Variants in ACKR2 observed in about 807,000 individuals in gnomAD.
The protein encoded by ACKR2 is atypical chemokine receptor 2, also known as C-C chemokine receptor D6.
For synonymous variants in ACKR2, 207 were observed against 192.2 expected (o/e 1.08, Z -0.64); for missense variants, 457 against 477.3 (o/e 0.96, Z 0.40).
intron 2 of ACKR2, among the ~76,000 whole-genome samples, chr3:42,849,995 C>T (rs902560521): frequency 2.6e-5 from 4 of 152,054 alleles, no homozygotes; most frequent in African/African-American, 4.8e-5. Flanking sequence ...GAATCTCGTG[C>T]TTTATTTTGC....
At chr3:42,849,597 G>A (rs1701131533) in intron 2 of ACKR2, among the ~76,000 whole-genome samples, 1 of 152,176 alleles carries the variant, frequency 6.6e-6, no homozygotes, top group Non-Finnish European at 1.5e-5. Context: ...GAGAAACTTG[G>A]GTGCTGCTGC....
chr3:42,853,770 T>C (rs1701188257), intron 2 of ACKR2, among the ~76,000 whole-genome samples: 2 of 152,198 alleles, frequency 1.3e-5, no homozygotes, highest in Admixed American at 1.3e-4. Context: ...AATAAATTAA[T>C]ATATTTAAAG....
chr3:42,856,287 C>A, intron 2 of ACKR2: 1 of 683,846 alleles, frequency 1.5e-6, no homozygotes, highest in Non-Finnish European at 2.6e-6. Flanking sequence ...AGCATCTGGT[C>A]CAGATGCCAT....
intron 1 of ACKR2, among the ~76,000 whole-genome samples, chr3:42,815,891 C>G (rs1477853412): frequency 2.0e-5 from 3 of 152,188 alleles, no homozygotes; most frequent in Non-Finnish European, 4.4e-5. Flanking sequence ...AGAAAAGTCA[C>G]AGCCACTTTT....
At chr3:42,818,538 T>C (rs1205776538) in intron 1 of ACKR2, among the ~76,000 whole-genome samples, 1 of 152,180 alleles carries the variant, frequency 6.6e-6, no homozygotes, top group African/African-American at 2.4e-5. Context: ...AGGAAAGCAC[T>C]TAAACAGATC....
chr3:42,849,366 G>A (rs1391652098), intron 2 of ACKR2, among the ~76,000 whole-genome samples: 1 of 152,034 alleles, frequency 6.6e-6, no homozygotes. Context: ...GCCGGGCATG[G>A]TGGTGGGCAC....
At chr3:42,821,787 C>T (rs1274746053) in intron 2 of ACKR2, among the ~76,000 whole-genome samples, 1 of 151,924 alleles carries the variant, frequency 6.6e-6, no homozygotes, top group Non-Finnish European at 1.5e-5. Context: ...AGCTCCGATT[C>T]CCGGGTTCAC....
intron 2 of ACKR2, among the ~76,000 whole-genome samples, chr3:42,840,009 A>G (rs1214591039): frequency 1.3e-5 from 2 of 152,186 alleles, no homozygotes; most frequent in Non-Finnish European, 2.9e-5. Flanking sequence ...CTGTAATCCC[A>G]GCACTTTGGG....
intron 2 of ACKR2, among the ~76,000 whole-genome samples, chr3:42,824,305 A>T (rs1700839456): frequency 6.6e-6 from 1 of 152,268 alleles, no homozygotes; most frequent in East Asian, 1.9e-4. Flanking sequence ...AATTTTTTTA[A>T]AAAATATTTT....
intron 1 of ACKR2, among the ~76,000 whole-genome samples, chr3:42,811,714 G>T (rs534762361): frequency 6.6e-6 from 1 of 152,150 alleles, no homozygotes; most frequent in Non-Finnish European, 1.5e-5. Flanking sequence ...GGAATGTCTC[G>T]GTGTAAAACC....
rs1404702505 is a variant in ACKR2, at chr3:42,865,199, A to C, written c.697A>C (p.Ile233Leu). 6.2e-6 allele frequency: 10 copies of C among 1,613,780 alleles called. No individual in the cohort carries two copies. Among genetic ancestry groups the C allele is most frequent in the African/African-American group, 5.3e-5 (4 of 74,818 alleles). ...LLAMIFFYSR[I>L]GCVLVRLRPA... ...TGCCATGATCTTCTTCTACTCCCGT[A>C]TTGGTTGTGTCTTGGTGAGGCTGAG... The change falls in exon 3 of 3, where the codon ATT becomes CTT. Residue 233 changes from isoleucine (I) to leucine (L), a missense_variant. Transcript: ENST00000422265.
chr3:42,828,359 C>T (rs1037858612), intron 2 of ACKR2, among the ~76,000 whole-genome samples: 4 of 152,110 alleles, frequency 2.6e-5, no homozygotes, highest in Middle Eastern at 3.2e-3. Flanking sequence ...GATCCACCTG[C>T]CTTGGCCTCC....
chr3:42,829,365 C>A (rs555803994), intron 2 of ACKR2, among the ~76,000 whole-genome samples: 1 of 152,204 alleles, frequency 6.6e-6, no homozygotes, highest in African/African-American at 2.4e-5. Context: ...GAGCTAGTGA[C>A]AAAGGTAAAC....
intron 2 of ACKR2, among the ~76,000 whole-genome samples, chr3:42,833,554 A>G (rs1448810027): frequency 6.6e-6 from 1 of 152,150 alleles, no homozygotes; most frequent in South Asian, 2.1e-4. Flanking sequence ...GAAATCTGAC[A>G]TGTGCTTTAT....
At chr3:42,827,270 T>A (rs992270902) in intron 2 of ACKR2, among the ~76,000 whole-genome samples, 2 of 152,242 alleles carry the variant, frequency 1.3e-5, no homozygotes, top group African/African-American at 4.8e-5. Context: ...ATTCATTCTT[T>A]GAGTCACAGG....
chr3:42,844,619 G>A (rs976472753), intron 2 of ACKR2, among the ~76,000 whole-genome samples: 4 of 152,188 alleles, frequency 2.6e-5, no homozygotes, highest in African/African-American at 9.7e-5. Flanking sequence ...TGGTAGACGA[G>A]GGCCACCAAT....
chr3:42,857,504 C>A (rs1021971119), intron 2 of ACKR2, among the ~76,000 whole-genome samples: 2 of 152,076 alleles, frequency 1.3e-5, no homozygotes, highest in African/African-American at 4.8e-5. Context: ...TTAAAGTGCT[C>A]TGCATGTATT....
rs1303449157 is a variant in ACKR2, at chr3:42,867,281, T to G, written c.*1624T>G. Reference sequence around the variant, plus strand: ...ATGATTAAAACGGGGAACTTCATTATCATGAGCATGGTTACTGTCTGCATT... The same window carrying G: ...ATGATTAAAACGGGGAACTTCATTAGCATGAGCATGGTTACTGTCTGCATT... On this transcript the variant is annotated 3_prime_UTR_variant, in exon 3 of 3. Coordinates refer to ENST00000422265, the MANE Select transcript of ACKR2 (RefSeq NM_001296.5). 1.2e-5 allele frequency: 2 copies of G among 167,106 alleles called. No individual in the cohort carries two copies. The highest frequency in any genetic ancestry group is 6.5e-5 in the Admixed American group (1 of 15,288). The allele number at this position is 167,106 out of a possible 1,614,324, so 10.4% of individuals were successfully genotyped here. A position where few individuals can be genotyped will look rare whatever the true frequency, so the allele number is the denominator to read the frequency against.
intron 2 of ACKR2, among the ~76,000 whole-genome samples, chr3:42,857,214 G>A (rs2088330473): frequency 6.6e-6 from 1 of 152,132 alleles, no homozygotes; most frequent in Non-Finnish European, 1.5e-5. Context: ...TATTAAAAGA[G>A]TATCTTGTAC....
Sources: gnomAD v4.1 joint callset for allele counts (sites outside exome capture counted in the v4.1 genomes callset) on GRCh38, gnomAD v4.1.1 for gene constraint, MANE v1.5 for transcripts, NCBI Gene and HGNC (gene_info 2026-07-23, HGNC 2026-07-21) for gene names.